Variants in TMTC1 observed in about 807,000 individuals in gnomAD.
TMTC1 encodes transmembrane O-mannosyltransferase targeting cadherins 1.
TMTC1 carries 73 observed loss-of-function variants against 104.8 expected under a neutral mutation model. The observed-to-expected ratio is 0.70, with a 90% confidence interval of 0.58 to 0.85. The LOEUF (loss-of-function observed/expected upper bound fraction) is 0.85. Ranked by LOEUF, TMTC1 falls within the 40% of genes least tolerant of loss-of-function variation. The probability of loss-of-function intolerance (pLI) is 0.00; values close to 1 mark genes in which losing one functional copy is unlikely to be tolerated. For synonymous variants in TMTC1, 434 were observed against 428.7 expected (o/e 1.01, Z -0.15); for missense variants, 1,035 against 1,096.1 (o/e 0.94, Z 0.79).
intron 6 of TMTC1, among the ~76,000 whole-genome samples, chr12:29,616,758 C>T (rs1158111740): frequency 6.7e-6 from 1 of 150,238 alleles, no homozygotes; most frequent in African/African-American, 2.4e-5. Context: ...CACTAAAAAT[C>T]ACTATACATT....
intron 5 of TMTC1, among the ~76,000 whole-genome samples, chr12:29,678,873 C>G (rs1377759659): frequency 6.6e-6 from 1 of 152,028 alleles, no homozygotes; most frequent in Admixed American, 6.6e-5. Context: ...ATGGACTTCC[C>G]ATGGGAGTAA....
intron 2 of TMTC1, among the ~76,000 whole-genome samples, chr12:29,761,283 A>T (rs748823255): frequency 6.6e-6 from 1 of 151,590 alleles, no homozygotes; most frequent in African/African-American, 2.4e-5. Context: ...TGTACAACTA[A>T]ATTATTAAAG....
At chr12:29,661,672 G>C (rs964397249) in intron 5 of TMTC1, among the ~76,000 whole-genome samples, 7 of 149,982 alleles carry the variant, frequency 4.7e-5, no homozygotes, top group Non-Finnish European at 1.0e-4. Context: ...CTGACCTCAG[G>C]TGATCCACCC....
intron 9 of TMTC1, among the ~76,000 whole-genome samples, chr12:29,570,559 T>A (rs559419161): frequency 6.6e-6 from 1 of 152,194 alleles, no homozygotes; most frequent in Non-Finnish European, 1.5e-5. Context: ...TTCTGCCATA[T>A]TAGGCCAGGT....
intron 6 of TMTC1, among the ~76,000 whole-genome samples, chr12:29,619,082 A>G (rs12368037): frequency 0.26 from 39,590 of 151,580 alleles, 5,535 homozygotes; most frequent in East Asian, 0.39. Context: ...AAATCAGGGG[A>G]AAAAAAAACT....
At chr12:29,656,319 G>GATAT (rs71045824) in intron 5 of TMTC1, among the ~76,000 whole-genome samples, 32,029 of 138,834 alleles carry the variant, frequency 0.23, 3,769 homozygotes, top group Middle Eastern at 0.31. Flanking sequence ...AATTTCCCTG[G>GATAT]ATATATATAT....
At chr12:29,661,839 G>A (rs916357211) in intron 5 of TMTC1, among the ~76,000 whole-genome samples, 1 of 152,116 alleles carries the variant, frequency 6.6e-6, no homozygotes, top group Non-Finnish European at 1.5e-5. Context: ...GTGGTTCTTG[G>A]AACCAAACTA....
At chr12:29,663,973 G>T (rs1049147507) in intron 5 of TMTC1, among the ~76,000 whole-genome samples, 1 of 151,954 alleles carries the variant, frequency 6.6e-6, no homozygotes, top group Non-Finnish European at 1.5e-5. Flanking sequence ...GGATCACGAG[G>T]TCAGGAGATC....
intron 5 of TMTC1, among the ~76,000 whole-genome samples, chr12:29,712,936 GTTGT>G (rs1356582575): frequency 6.6e-6 from 1 of 152,112 alleles, no homozygotes; most frequent in Non-Finnish European, 1.5e-5. Flanking sequence ...ACGGTGTTCA[GTTGT>G]TTGTTCAAAC....
At chr12:29,554,336 T>C (rs1945182194) in intron 10 of TMTC1, among the ~76,000 whole-genome samples, 1 of 151,726 alleles carries the variant, frequency 6.6e-6, no homozygotes, top group African/African-American at 2.4e-5. Context: ...CTTGTCTTCA[T>C]TATCAGTTGT....
At chr12:29,549,270 AAATAT>A (rs1433358577) in intron 10 of TMTC1, among the ~76,000 whole-genome samples, 1 of 151,954 alleles carries the variant, frequency 6.6e-6, no homozygotes, top group African/African-American at 2.4e-5. Flanking sequence ...TGCTAAATGA[AAATAT>A]CCAGATGCCA....
intron 6 of TMTC1, among the ~76,000 whole-genome samples, chr12:29,623,917 A>T (rs1277920740): frequency 6.6e-6 from 1 of 152,144 alleles, no homozygotes; most frequent in African/African-American, 2.4e-5. Context: ...CTTTTCCTTC[A>T]GTCCCCACCT....
intron 11 of TMTC1, among the ~76,000 whole-genome samples, chr12:29,527,903 G>A (rs996277592): frequency 1.3e-5 from 2 of 152,120 alleles, no homozygotes; most frequent in Non-Finnish European, 2.9e-5. Context: ...TAAAGACTGA[G>A]TGTGTCAAGG....
At chr12:29,676,952 G>C (rs983710515) in intron 5 of TMTC1, among the ~76,000 whole-genome samples, 2 of 152,022 alleles carry the variant, frequency 1.3e-5, no homozygotes, top group Non-Finnish European at 2.9e-5. Flanking sequence ...ATGATTTGAG[G>C]GCCAAAATAA....
At chr12:29,775,390 G>A (rs1943684475) in intron 1 of TMTC1, among the ~76,000 whole-genome samples, 2 of 152,074 alleles carry the variant, frequency 1.3e-5, no homozygotes, top group African/African-American at 2.4e-5. Flanking sequence ...CAGTACTTCT[G>A]ACCAACTGGC....
intron 14 of TMTC1, among the ~76,000 whole-genome samples, 169 bp from the exon 15 acceptor site, chr12:29,516,655 G>A (rs1030316539): frequency 2.0e-5 from 3 of 152,160 alleles, no homozygotes; most frequent in African/African-American, 7.2e-5. Context: ...ACTTTTTGCT[G>A]TTTGTTTCTT....
intron 3 of TMTC1, 26 bp from the exon 4 acceptor site, chr12:29,755,911 T>G: frequency 6.2e-7 from 1 of 1,608,666 alleles, no homozygotes; most frequent in Middle Eastern, 1.7e-4. Flanking sequence ...GAGATTCTTT[T>G]AATCTAAGAA....
chr12:29,770,653 G>C lies in TMTC1; in HGVS notation c.303-2578C>G, dbSNP rs1285458789. Among the ~76,000 whole-genome samples the C allele has an allele frequency of 2.0e-5, 3 of 152,138 alleles. No homozygotes were observed. In the East Asian group the frequency reaches 5.8e-4, roughly 29 times the overall value. ...CCCCGCAGTAATGACATAATGCTGT[G>C]AAAGTCCCTTACCTGGAACCTAACA... On this transcript the variant is annotated intron_variant, in intron 1 of 17. Coordinates refer to ENST00000539277, the MANE Select transcript of TMTC1 (RefSeq NM_001193451.2).
In TMTC1 at chr12:29,768,028, A is replaced by C. The variant is rs147672839; in HGVS notation, c.350T>G (p.Val117Gly). Residue 117 changes from valine to glycine, a missense_variant, in exon 2 of 18, where the codon GTA becomes GGA. Transcript: ENST00000539277. ...TGMNPFYFHA[V>G]NIILHCLVTL... ...CACTAAGCAGTGTAAAATTATATTT[A>C]CTGCATGAAAGTAGAATGGGTTCAT... is the stretch of plus-strand genomic sequence containing the variant. The C allele has an allele frequency of 4.1e-5, 66 of 1,613,702 alleles. No homozygotes were observed. In the African/African-American group the frequency reaches 8.5e-4, roughly 21 times the overall value.
Sources: gnomAD v4.1 joint callset for allele counts (sites outside exome capture counted in the v4.1 genomes callset) on GRCh38, gnomAD v4.1.1 for gene constraint, MANE v1.5 for transcripts, NCBI Gene and HGNC (gene_info 2026-07-23, HGNC 2026-07-21) for gene names.